The following FAM118A variants were observed in gnomAD, a reference collection of about 807,000 sequenced individuals.
FAM118A encodes the protein SIR2 antiphage like 2, also known as protein FAM118A.
Under a neutral mutation model 38.2 loss-of-function variants are expected in FAM118A, and 25 were observed. The observed-to-expected ratio is 0.65, with a 90% CI of 0.48 to 0.91. The LOEUF (loss-of-function observed/expected upper bound fraction) is 0.91. Among genes scored for constraint, FAM118A ranks in the 40% least tolerant of loss-of-function variants. The probability of loss-of-function intolerance (pLI) is 0.00; values close to 1 mark genes in which losing one functional copy is unlikely to be tolerated. For synonymous variants in FAM118A, 178 were observed against 184.1 expected, an observed-to-expected ratio of 0.97 and a Z score of 0.27; for missense variants, 425 against 463.3, an observed-to-expected ratio of 0.92 and a Z score of 0.76.
chr22:45,327,054 A>G (rs2085326981), intron 3 of FAM118A, among the ~76,000 whole-genome samples: 1 of 150,786 alleles, frequency 6.6e-6, no homozygotes, highest in South Asian at 2.1e-4. Context: ...ATAAAATAAT[A>G]TAAAAAATTA....
At chr22:45,328,471 A>G (rs1256439317) in intron 4 of FAM118A, 1 of 867,376 alleles carries the variant, frequency 1.2e-6, no homozygotes, top group South Asian at 1.3e-5. Context: ...GTAGCAGTGA[A>G]TTACTAATAA....
At chr22:45,334,442 A>G (rs149183000) in intron 6 of FAM118A, among the ~76,000 whole-genome samples, 2 of 152,350 alleles carry the variant, frequency 1.3e-5, no homozygotes, top group East Asian at 1.9e-4. Flanking sequence ...TTTAACCACT[A>G]TCATTTCTTT....
chr22:45,330,528 A>G (rs1465560305), intron 4 of FAM118A, 75 bp from the exon 5 acceptor site: 1 of 1,405,052 alleles, frequency 7.1e-7, no homozygotes, highest in Non-Finnish European at 9.4e-7. Context: ...CTATGAATCC[A>G]TTTTCAGTAT....
rs1470850018 is a variant in FAM118A at position 45,314,332 on chromosome 22, A to G, written c.-10+4149A>G. Among the ~76,000 whole-genome samples, 12 of 151,118 alleles carry G rather than the reference A, an allele frequency of 7.9e-5. No individual in the cohort carries two copies. In the Admixed American group the frequency reaches 8.0e-4, roughly 10 times the overall value. On this transcript the variant is annotated intron_variant, in intron 1 of 8. Coordinates refer to ENST00000441876, the MANE Select transcript of FAM118A (RefSeq NM_017911.4). ...TATCTGCCTAATGGCAACTCTTTCA[A>G]CATTTCCGGGGAAGGAGAAACTGTA...
intron 8 of FAM118A, among the ~76,000 whole-genome samples, chr22:45,336,684 C>T (rs1422046371): frequency 3.3e-5 from 5 of 152,158 alleles, no homozygotes; most frequent in Admixed American, 6.5e-5. Context: ...GCAGAAGGTG[C>T]TCTCTCCAAA....
At chr22:45,333,891 T>C (rs1384869421) in intron 6 of FAM118A, among the ~76,000 whole-genome samples, 4 of 152,158 alleles carry the variant, frequency 2.6e-5, no homozygotes, top group Non-Finnish European at 4.4e-5. Context: ...CACACATGTA[T>C]AGCTGGACAC....
chr22:45,327,910 G>C lies in FAM118A; in HGVS notation c.369G>C (p.Gln123His), dbSNP rs1423745891. ...CLMEVFDDLE[Q>H]HIRSPVVLQS... is the part of the protein sequence containing the mutation. Reference sequence around the variant, plus strand: ...TGGAGGTGTTTGACGACCTGGAGCAGCACATCCGGAGTCCTGTGGTGCTGC... The same window carrying C: ...TGGAGGTGTTTGACGACCTGGAGCACCACATCCGGAGTCCTGTGGTGCTGC... The change falls in exon 4 of 9, where the codon CAG becomes CAC. Residue 123 changes from glutamine to histidine, a missense_variant. Coordinates refer to ENST00000441876, the MANE Select transcript of FAM118A (RefSeq NM_017911.4). The C allele has an allele frequency of 6.2e-7, 1 of 1,614,254 alleles. No homozygotes were observed.
rs771416523 is a variant in FAM118A, at chr22:45,323,296, G to A, written c.169G>A (p.Glu57Lys). The change falls in exon 3 of 9, where the codon GAG becomes AAG. Residue 57 changes from glutamate (E) to lysine (K), a missense_variant. Transcript: ENST00000441876. ...PALCSWRSCI[E>K]AVIEAAEQLE... ...CCTTTGCTCGTGGAGAAGCTGCATC[G>A]AGGCCGTCATCGAGGCTGCAGAGCA... The A allele has an allele frequency of 4.3e-6, 7 of 1,614,196 alleles. No individual in the cohort carries two copies. The highest frequency in any genetic ancestry group is 1.7e-5 in the Admixed American group (1 of 60,022).
At chr22:45,312,859 C>T (rs982609991) in intron 1 of FAM118A, among the ~76,000 whole-genome samples, 2 of 152,200 alleles carry the variant, frequency 1.3e-5, no homozygotes, top group African/African-American at 4.8e-5. Context: ...TTGTATTTAT[C>T]TCTCAGGAAG....
chr22:45,317,900 T>C (rs1357197645), intron 1 of FAM118A, among the ~76,000 whole-genome samples: 2 of 152,160 alleles, frequency 1.3e-5, no homozygotes, highest in Non-Finnish European at 2.9e-5. Flanking sequence ...CATTTGCCGA[T>C]ATCTCAGTGG....
chr22:45,337,699 G>A (rs761558485), intron 8 of FAM118A: 3 of 301,926 alleles, frequency 9.9e-6, no homozygotes, highest in Non-Finnish European at 1.5e-5. Context: ...TACCTCCTGA[G>A]CTCCCCTCCT....
Position 45,323,341 on chromosome 22 carries a change from GGAGACGTC to G in FAM118A, c.216_223del (p.Asp73ArgfsTer18), listed in dbSNP as rs2085019309. 3.1e-6 allele frequency: 5 copies of G among 1,614,058 alleles called. No individual in the cohort carries two copies. The African/African-American group carries it at 6.7e-5, about 22-fold the overall frequency. ...AGAGCAGCTGGAGGTGCTGCACCCC[GGAGACGTC>G]GCCGAGTTCCGGAGGAAAGTGACAA... is the stretch of plus-strand genomic sequence containing the variant. On this transcript the variant is annotated frameshift_variant, in exon 3 of 9. Transcript: ENST00000441876. LOFTEE classifies it high-confidence loss of function.
chr22:45,334,363 G>C (rs764545624), intron 6 of FAM118A, among the ~76,000 whole-genome samples: 47 of 152,334 alleles, frequency 3.1e-4, no homozygotes, highest in Non-Finnish European at 5.0e-4. Context: ...GCAGGTATAT[G>C]TGACCAGCTG....
chr22:45,330,489 G>T, intron 4 of FAM118A, 114 bp from the exon 5 acceptor site: 1 of 1,208,338 alleles, frequency 8.3e-7, no homozygotes, highest in Non-Finnish European at 1.1e-6. Context: ...AGCATCTCTC[G>T]ATGATTCTTT....
In FAM118A at chr22:45,332,827, A is replaced by G. The variant is rs549450157; in HGVS notation, c.937+117A>G. On this transcript the variant is annotated intron_variant, in intron 6 of 8. Coordinates refer to ENST00000441876, the MANE Select transcript of FAM118A (RefSeq NM_017911.4). ...AATGGCACCATCTTGGCTCACCACAACCTCCGCCTCCTAGGTTCAAGGGAT... is the reference window on the plus strand; with the variant it reads ...AATGGCACCATCTTGGCTCACCACAGCCTCCGCCTCCTAGGTTCAAGGGAT... 33 of 1,071,758 alleles carry G rather than the reference A, an allele frequency of 3.1e-5. No homozygotes were observed. In the African/African-American group the frequency reaches 3.9e-4, roughly 13 times the overall value. 66.4% of individuals were successfully genotyped at this position (1,071,758 alleles called of 1,614,324 possible).
intron 3 of FAM118A, among the ~76,000 whole-genome samples, chr22:45,323,874 G>C (rs141816225): frequency 3.5e-4 from 54 of 152,370 alleles, no homozygotes; most frequent in African/African-American, 1.3e-3. Context: ...AGATGATCTA[G>C]TTGAGAGGAG....
rs1293519243 is a variant in FAM118A, at chr22:45,341,656, CCGGCAGA to C, written c.*1252_*1258del. ...CCCGGGGAGCTTCTCTGACTGTGAC[CCGGCAGA>C]GGCTTCTGTGGCGGTGCATGAGCGG... On this transcript the variant is annotated 3_prime_UTR_variant, in exon 9 of 9. Coordinates refer to ENST00000441876, the MANE Select transcript of FAM118A (RefSeq NM_017911.4). The C allele has an allele frequency of 1.3e-5, 2 of 152,196 alleles. No individual in the cohort carries two copies. The highest frequency in any genetic ancestry group is 2.4e-5 in the African/African-American group (1 of 41,404). 9.4% of individuals were successfully genotyped at this position (152,196 alleles called of 1,614,324 possible).
intron 1 of FAM118A, 182 bp from the exon 2 acceptor site, chr22:45,322,189 A>C: frequency 6.6e-7 from 1 of 1,517,728 alleles, no homozygotes. Flanking sequence ...TGAGATGAGG[A>C]ATGGTGGCTT....
At chr22:45,324,775 G>T (rs181033315) in intron 3 of FAM118A, among the ~76,000 whole-genome samples, 1 of 152,304 alleles carries the variant, frequency 6.6e-6, no homozygotes, top group African/African-American at 2.4e-5. Context: ...GCAGGGGCGC[G>T]GTGGCTCACG....
Sources: allele counts gnomAD v4.1 joint callset (sites outside exome capture counted in the v4.1 genomes callset), GRCh38; gene constraint gnomAD v4.1.1; transcripts MANE v1.5; gene names NCBI Gene and HGNC (gene_info 2026-07-23, HGNC 2026-07-21).